PRKX: variants seen among roughly 807,000 people sequenced by gnomAD.
PRKX encodes the protein cAMP-dependent protein kinase catalytic subunit PRKX.
Under a neutral mutation model 22.0 loss-of-function variants are expected in PRKX, and 12 were observed. The observed-to-expected ratio is 0.54, with a 90% CI of 0.35 to 0.88. PRKX has a LOEUF of 0.88. Ranked by LOEUF, PRKX falls within the 40% of genes least tolerant of loss-of-function variation. PRKX has a pLI of 0.01. For synonymous variants in PRKX, 134 were observed against 137.7 expected, an observed-to-expected ratio of 0.97 and a Z score of 0.19; for missense variants, 217 against 308.0, an observed-to-expected ratio of 0.70 and a Z score of 2.21.
intron 3 of PRKX, among the ~76,000 whole-genome samples, chrX:3,654,237 A>G (rs1406923054): frequency 2.1e-5 from 2 of 95,746 alleles, no homozygotes; most frequent in Admixed American, 1.3e-4. Context: ...GTCATTGTAT[A>G]CTATATAATA....
At chrX:3,671,305 G>T in intron 2 of PRKX, among the ~76,000 whole-genome samples, 1 of 110,739 alleles carries the variant, frequency 9.0e-6, no homozygotes, top group East Asian at 2.8e-4. Flanking sequence ...ATGTTGCCCA[G>T]GCTGGTCTGG....
intron 1 of PRKX, among the ~76,000 whole-genome samples, chrX:3,681,815 C>G (rs1363277112): frequency 2.1e-4 from 23 of 109,737 alleles, no homozygotes; most frequent in Non-Finnish European, 2.8e-4. Context: ...CCAGCAAACC[C>G]TAAATCCCTC....
chrX:3,668,797 A>G (rs756274846), intron 2 of PRKX, among the ~76,000 whole-genome samples: 29 of 112,544 alleles, frequency 2.6e-4, no homozygotes, highest in South Asian at 1.1e-3. Flanking sequence ...ATGACAGAAG[A>G]GTGGGGCTGC....
chrX:3,659,184 G>C (rs1927538607), intron 2 of PRKX, among the ~76,000 whole-genome samples: 2 of 108,768 alleles, frequency 1.8e-5, no homozygotes, highest in African/African-American at 6.7e-5. Context: ...CCAGGAATTG[G>C]AGGCTGCAGT....
chrX:3,711,965 C>T (rs1161403883), intron 1 of PRKX, among the ~76,000 whole-genome samples: 1 of 111,813 alleles, frequency 8.9e-6, no homozygotes. Context: ...CTTCCAAATT[C>T]AGGCTTTCCT....
intron 1 of PRKX, among the ~76,000 whole-genome samples, chrX:3,675,858 T>C (rs1445819419): frequency 9.0e-6 from 1 of 111,455 alleles, no homozygotes; most frequent in Non-Finnish European, 1.9e-5. Flanking sequence ...CAGCTCACTG[T>C]AGCCTCTACC....
rs1299809685 is a variant in PRKX, at chrX:3,608,186, T to A, written c.*783A>T. 1 of 110,897 alleles carries A rather than the reference T, an allele frequency of 9.0e-6. No homozygotes were observed. The highest frequency in any genetic ancestry group is 1.9e-5 in the Non-Finnish European group (1 of 52,975). 9.1% of individuals were successfully genotyped at this position (110,897 alleles called of 1,213,427 possible). A position where few individuals can be genotyped will look rare whatever the true frequency, so the allele number is the denominator to read the frequency against. On this transcript the variant is annotated 3_prime_UTR_variant, in exon 9 of 9. Transcript: ENST00000262848. ...AACAAGCCACTGCATCCAGCTCAGA[T>A]GAAATTTTTGAATGTGTCACAGAAG...
chrX:3,607,912 A>C lies in PRKX; in HGVS notation c.*1057T>G, dbSNP rs1603472704. On this transcript the variant is annotated 3_prime_UTR_variant, in exon 9 of 9. Coordinates refer to ENST00000262848, the MANE Select transcript of PRKX (RefSeq NM_005044.5). ...TTTTTTTTTTTTTGGACAGGGTCTC[A>C]CTCTGTCACCCAGGCTGGAATGCAG... The C allele has an allele frequency of 2.6e-5, 2 of 77,327 alleles. No homozygotes were observed. The highest frequency in any genetic ancestry group is 1.9e-4 in the Admixed American group (1 of 5,294). The allele number at this position is 77,327 out of a possible 1,213,427, so 6.4% of individuals were successfully genotyped here. A position where few individuals can be genotyped will look rare whatever the true frequency, so the allele number is the denominator to read the frequency against.
chrX:3,699,047 T>TA (rs200933829), intron 1 of PRKX, among the ~76,000 whole-genome samples: 4,193 of 105,015 alleles, frequency 0.04, 257 homozygotes, highest in African/African-American at 0.14. Context: ...TATTTTATTT[T>TA]TTTTTTTGAG....
At chrX:3,616,238 G>A (rs1217106758) in intron 6 of PRKX, among the ~76,000 whole-genome samples, 1 of 111,323 alleles carries the variant, frequency 9.0e-6, no homozygotes. Flanking sequence ...TTTCATCTTG[G>A]CAAACTTACT....
chrX:3,664,517 C>T (rs191633544), intron 2 of PRKX, among the ~76,000 whole-genome samples: 14 of 112,504 alleles, frequency 1.2e-4, no homozygotes, highest in Admixed American at 1.0e-3. Context: ...GGATTATAGG[C>T]GTGGGCCACC....
chrX:3,665,366 C>A (rs1159658889), intron 2 of PRKX, among the ~76,000 whole-genome samples: 1 of 111,027 alleles, frequency 9.0e-6, no homozygotes, highest in Non-Finnish European at 1.9e-5. Context: ...ATCCCAGCTA[C>A]TCAGGAGGCT....
chrX:3,689,894 G>A (rs180709583), intron 1 of PRKX, among the ~76,000 whole-genome samples: 2,655 of 110,680 alleles, frequency 0.024, 31 homozygotes, highest in South Asian at 0.038. Context: ...GGAGGATGGC[G>A]TGAACCCGGG....
chrX:3,655,326 C>A lies in PRKX; in HGVS notation c.422G>T (p.Arg141Leu). The change falls in exon 3 of 9, where the codon CGG becomes CTG. Residue 141 changes from arginine to leucine, a missense_variant. By Grantham distance (102) the Arg-to-Leu change is moderately radical. Transcript: ENST00000262848. ...GGELFSYLRN[R>L]GRFSSTTGLF... is the part of the protein sequence containing the mutation. ...CCCCGTGGTGCTGGAGAAGCGCCCC[C>A]GGTTGCGCAGGTAGCTGAAGAGCTC... 8.2e-7 allele frequency: 1 copy of A among 1,212,128 alleles called. No individual in the cohort carries two copies. Among genetic ancestry groups the A allele is most frequent in the Non-Finnish European group, 1.1e-6 (1 of 895,621 alleles).
At chrX:3,676,597 G>A (rs1435261677) in intron 1 of PRKX, among the ~76,000 whole-genome samples, 1 of 112,361 alleles carries the variant, frequency 8.9e-6, no homozygotes, top group Non-Finnish European at 1.9e-5. Flanking sequence ...CAACATGGAT[G>A]GAACTGGAGG....
intron 2 of PRKX, among the ~76,000 whole-genome samples, chrX:3,666,435 C>T (rs1927732151): frequency 9.0e-6 from 1 of 110,939 alleles, no homozygotes; most frequent in Admixed American, 9.6e-5. Context: ...GGATTACAGG[C>T]GTGAGCCACC....
At chrX:3,615,011 ATTTTTTTTTTT>A (rs761643511) in intron 7 of PRKX, among the ~76,000 whole-genome samples, 1 of 59,762 alleles carries the variant, frequency 1.7e-5, no homozygotes, top group Non-Finnish European at 2.8e-5. Context: ...AAAATGCCAG[ATTTTTTTTTTT>A]TTTTTTTTTT....
At chrX:3,615,571 A>C (rs1380889710) in intron 7 of PRKX, among the ~76,000 whole-genome samples, 2 of 111,839 alleles carry the variant, frequency 1.8e-5, no homozygotes, top group Non-Finnish European at 3.8e-5. Flanking sequence ...GGATGAATGG[A>C]CAAAGAACAT....
intron 1 of PRKX, among the ~76,000 whole-genome samples, chrX:3,682,616 G>A (rs1217995533): frequency 1.8e-5 from 2 of 111,803 alleles, no homozygotes; most frequent in South Asian, 7.6e-4. Flanking sequence ...AACTAATAAG[G>A]AGACACAGAC....
Sources: allele counts gnomAD v4.1 joint callset (sites outside exome capture counted in the v4.1 genomes callset), GRCh38; gene constraint gnomAD v4.1.1; transcripts MANE v1.5; gene names NCBI Gene and HGNC (gene_info 2026-07-23, HGNC 2026-07-21).